Variants in DHX37 observed in about 807,000 individuals in gnomAD.
DHX37 encodes probable ATP-dependent RNA helicase DHX37.
In DHX37, 52 loss-of-function variants were observed where a neutral mutation model predicts 134.3. The ratio of observed to expected loss-of-function variants is 0.39; its 90% CI spans 0.31 to 0.49. The LOEUF (loss-of-function observed/expected upper bound fraction) is 0.49. DHX37 is among the 20% of genes least tolerant of loss of function. DHX37 has a pLI of 0.93. For synonymous variants in DHX37, 634 were observed against 670.7 expected, an observed-to-expected ratio of 0.95 and a Z score of 0.85; for missense variants, 1,344 against 1,580.8, an observed-to-expected ratio of 0.85 and a Z score of 2.54.
Position 124,964,289 on chromosome 12 carries a change from G to A in DHX37, c.2045+105C>T, listed in dbSNP as rs575230720. ...AAGTCACAGGGGCCCGGCAGGACAC[G>A]GAACATACTACAGATGGAGGTGGGG... On this transcript the variant is annotated intron_variant, in intron 15 of 26. Coordinates refer to ENST00000308736, the MANE Select transcript of DHX37 (RefSeq NM_032656.4). The A allele has an allele frequency of 2.6e-4, 395 of 1,545,510 alleles. 5 individuals are homozygous for A. Among genetic ancestry groups the A allele is most frequent in the Admixed American group, 2.6e-4 (13 of 49,620 alleles).
At chr12:124,984,888 C>T (rs1461540392) in intron 2 of DHX37, among the ~76,000 whole-genome samples, 8 of 152,132 alleles carry the variant, frequency 5.3e-5, no homozygotes, top group Non-Finnish European at 2.9e-5. Flanking sequence ...GATGTAATTA[C>T]GTAATTACGT....
intron 8 of DHX37, among the ~76,000 whole-genome samples, chr12:124,970,451 C>T (rs543534932): frequency 5.3e-5 from 8 of 152,282 alleles, no homozygotes; most frequent in African/African-American, 1.7e-4. Context: ...GGCAGACGCC[C>T]GCCTCAGGAC....
intron 6 of DHX37, among the ~76,000 whole-genome samples, chr12:124,975,072 G>A (rs544982201): frequency 3.0e-4 from 46 of 152,274 alleles, no homozygotes; most frequent in Middle Eastern, 3.4e-3. Flanking sequence ...CACCACACCC[G>A]GCCAAGATTT....
At chr12:124,964,360 C>A in intron 15 of DHX37, 34 bp downstream of exon 15, 1 of 1,608,686 alleles carries the variant, frequency 6.2e-7, no homozygotes, top group South Asian at 1.1e-5. Context: ...CAAGGCGGCA[C>A]CAACGTCCCT....
At chr12:124,971,552 C>T in intron 7 of DHX37, 137 bp from the exon 8 acceptor site, 2 of 1,378,184 alleles carry the variant, frequency 1.5e-6, no homozygotes, top group Non-Finnish European at 2.0e-6. Flanking sequence ...CTGCTCAACT[C>T]AGATGCCCGC....
chr12:124,952,339 C>T (rs1283574869), intron 21 of DHX37, 59 bp downstream of exon 21: 18 of 1,508,704 alleles, frequency 1.2e-5, no homozygotes, highest in Non-Finnish European at 1.4e-5. Flanking sequence ...GGGCCCAGCC[C>T]GCCTGCCCCT....
rs1306359077 is a variant in DHX37, at chr12:124,953,894, T to G, written c.2681A>C (p.Gln894Pro). 6.2e-7 allele frequency: 1 copy of G among 1,611,476 alleles called. No individual in the cohort carries two copies. Among genetic ancestry groups the G allele is most frequent in the Non-Finnish European group, 8.5e-7 (1 of 1,179,300 alleles). ...AMMEIRRLRG[Q>P]LTTAVNAVCP... Reference sequence around the variant, plus strand: ...CGGGGCCGTACCTGCGGTGGTCAGCTGGCCCCGCAGGCGCCGGATCTCCAT... The same window carrying G: ...CGGGGCCGTACCTGCGGTGGTCAGCGGGCCCCGCAGGCGCCGGATCTCCAT... The change falls in exon 20 of 27, where the codon CAG (glutamine) becomes CCG (proline). Residue 894 changes from glutamine (Q) to proline (P), a missense_variant. Physicochemically the swap from Gln to Pro is moderately conservative, Grantham distance 76. This residue lies in a region of DHX37 where 558 missense variants were observed against 650.0 expected (regional missense o/e 0.86). Coordinates refer to ENST00000308736, the MANE Select transcript of DHX37 (RefSeq NM_032656.4).
At chr12:124,979,525 C>T (rs1011572911) in intron 4 of DHX37, among the ~76,000 whole-genome samples, 2 of 152,196 alleles carry the variant, frequency 1.3e-5, no homozygotes, top group African/African-American at 4.8e-5. Context: ...CCTGCATCAA[C>T]ATGGATGTAT....
chr12:124,953,677 G>C, intron 20 of DHX37: 1 of 919,294 alleles, frequency 1.1e-6, no homozygotes, highest in Non-Finnish European at 1.6e-6. Context: ...CAGGCTGGCA[G>C]CTCGAATCTG....
chr12:124,969,406 C>T (rs922164385), intron 8 of DHX37, among the ~76,000 whole-genome samples: 3 of 152,194 alleles, frequency 2.0e-5, no homozygotes, highest in Non-Finnish European at 4.4e-5. Context: ...CTGCTTCAAG[C>T]TCTTGCTGCC....
intron 2 of DHX37, among the ~76,000 whole-genome samples, chr12:124,984,850 G>A (rs950821501): frequency 2.6e-5 from 4 of 152,214 alleles, no homozygotes; most frequent in South Asian, 2.1e-4. Context: ...ACTTGCGAAC[G>A]TGACCCTATT....
intron 4 of DHX37, among the ~76,000 whole-genome samples, chr12:124,979,141 G>C (rs1196270210): frequency 6.6e-6 from 1 of 151,400 alleles, no homozygotes; most frequent in Non-Finnish European, 1.5e-5. Context: ...CCTGAGTTTG[G>C]GAGTTGCCTG....
intron 2 of DHX37, 57 bp downstream of exon 2, chr12:124,986,039 C>T: frequency 6.3e-7 from 1 of 1,575,210 alleles, no homozygotes. Context: ...GAGAGAGACC[C>T]CCCATCTCTC....
At chr12:124,976,090 C>G (rs1265965023) in intron 5 of DHX37, among the ~76,000 whole-genome samples, 1 of 152,188 alleles carries the variant, frequency 6.6e-6, no homozygotes, top group Non-Finnish European at 1.5e-5. Context: ...TAGGCGACCC[C>G]AGTAACAGCC....
chr12:124,963,179 G>A (rs1594486334), intron 15 of DHX37, among the ~76,000 whole-genome samples: 1 of 152,168 alleles, frequency 6.6e-6, no homozygotes, highest in South Asian at 2.1e-4. Context: ...GGCCAGGAAC[G>A]GGGTGCTGAC....
chr12:124,974,547 G>A (rs1266583678), intron 6 of DHX37, among the ~76,000 whole-genome samples: 1 of 149,564 alleles, frequency 6.7e-6, no homozygotes, highest in Non-Finnish European at 1.5e-5. Context: ...TGAGAGCCCA[G>A]GATGGGCCTG....
chr12:124,981,027 C>G (rs1380253433), intron 3 of DHX37, among the ~76,000 whole-genome samples, 189 bp from the exon 4 acceptor site: 2 of 151,982 alleles, frequency 1.3e-5, no homozygotes, highest in South Asian at 2.1e-4. Flanking sequence ...GTCAGGGAGA[C>G]TCCCTGACCA....
rs1039845064 is a variant in DHX37, at chr12:124,965,770, C to T, written c.1633G>A (p.Ala545Thr). 3 of 1,613,844 alleles carry T rather than the reference C, an allele frequency of 1.9e-6. No homozygotes were observed. The highest frequency in any genetic ancestry group is 1.1e-5 in the South Asian group (1 of 91,028). ...TCCCTGTCCTCATCGCCTTCGCCTG[C>T]CGGTAACACCGAGTAATGATCCAAG... ...INLDHYSVLP[A>T]GEGDEDREAE... The change falls in exon 13 of 27, where the codon GCA becomes ACA. Residue 545 changes from alanine (A) to threonine (T), a missense_variant. Ala to Thr is a moderately conservative substitution (Grantham distance 58, BLOSUM62 0). Around this residue, in one of 7 missense-constraint regions of DHX37, gnomAD observed 289 missense variants for 323.8 expected, o/e 0.89. Coordinates refer to ENST00000308736, the MANE Select transcript of DHX37 (RefSeq NM_032656.4).
Position 124,956,878 on chromosome 12 carries a change from C to T in DHX37, c.2266G>A (p.Val756Met), listed in dbSNP as rs747785193. ...ALQPPQKAER[V>M]KQLQENRLSC... ...AGCCGGTTCTCCTGCAGTTGCTTCACCCTGGAGATGGAGGTGGTGGTGGCA... is the reference window on the plus strand; with the variant it reads ...AGCCGGTTCTCCTGCAGTTGCTTCATCCTGGAGATGGAGGTGGTGGTGGCA... Residue 756 changes from valine (V) to methionine (M), a missense_variant and splice_region_variant, in exon 18 of 27, where the codon GTG (valine) becomes ATG (methionine). Val to Met is a conservative substitution (Grantham distance 21). Transcript: ENST00000308736. 2.5e-6 allele frequency: 4 copies of T among 1,585,402 alleles called. No homozygotes were observed. The highest frequency in any genetic ancestry group is 1.7e-6 in the Non-Finnish European group (2 of 1,160,038).
Sources: allele counts gnomAD v4.1 joint callset (sites outside exome capture counted in the v4.1 genomes callset), GRCh38; gene constraint gnomAD v4.1.1; regional missense constraint gnomAD v4.1.1; transcripts MANE v1.5; gene names NCBI Gene and HGNC (gene_info 2026-07-23, HGNC 2026-07-21).